The following PPP4R3B variants were observed in gnomAD, a reference collection of about 807,000 sequenced individuals.
The protein encoded by PPP4R3B is protein phosphatase 4 regulatory subunit 3B.
A neutral mutation model predicts 95.4 loss-of-function variants in PPP4R3B; 52 were observed. The observed-to-expected ratio is 0.54, with a 90% CI of 0.44 to 0.69. The LOEUF is 0.69. Ranked by LOEUF, PPP4R3B falls within the 30% of genes least tolerant of loss-of-function variation. PPP4R3B has a pLI of 0.00. For missense variants in PPP4R3B, 1,003 were observed against 1,005.9 expected (o/e 1.00, Z 0.04); for synonymous variants, 407 against 343.9 (o/e 1.18, Z -2.03).
chr2:55,611,391 C>T (rs1408684256), intron 2 of PPP4R3B, among the ~76,000 whole-genome samples: 1 of 152,210 alleles, frequency 6.6e-6, no homozygotes, highest in Non-Finnish European at 1.5e-5. Flanking sequence ...AAATTTCTGT[C>T]ACACCTATCA....
At chr2:55,550,177 A>G (rs1574641316) in intron 16 of PPP4R3B, among the ~76,000 whole-genome samples, 171 bp from the exon 17 acceptor site, 1 of 152,244 alleles carries the variant, frequency 6.6e-6, no homozygotes, top group East Asian at 1.9e-4. Context: ...TTTGAGTAGT[A>G]ATTGGTAGCA....
At chr2:55,579,306 T>A (rs1689119050) in intron 9 of PPP4R3B, among the ~76,000 whole-genome samples, 1 of 152,132 alleles carries the variant, frequency 6.6e-6, no homozygotes. Context: ...ACTATTTGCT[T>A]CTACTCATTC....
At chr2:55,606,538 T>C (rs1015822296) in intron 2 of PPP4R3B, among the ~76,000 whole-genome samples, 2 of 151,610 alleles carry the variant, frequency 1.3e-5, no homozygotes, top group African/African-American at 2.4e-5. Flanking sequence ...AAAAAAATTA[T>C]TGGCCAGGCA....
chr2:55,580,319 A>C (rs11900763), intron 8 of PPP4R3B, among the ~76,000 whole-genome samples: 5 of 152,118 alleles, frequency 3.3e-5, no homozygotes, highest in Non-Finnish European at 5.9e-5. Context: ...CAGAACAGCA[A>C]GCACCATAAT....
chr2:55,573,580 C>G, intron 12 of PPP4R3B, 39 bp downstream of exon 12: 6 of 1,506,762 alleles, frequency 4.0e-6, no homozygotes, highest in South Asian at 2.6e-5. Context: ...AGTTTTATCT[C>G]TATTAAAAAT....
At chr2:55,603,008 G>A (rs1310549778) in intron 3 of PPP4R3B, among the ~76,000 whole-genome samples, 1 of 150,768 alleles carries the variant, frequency 6.6e-6, no homozygotes, top group Non-Finnish European at 1.5e-5. Context: ...AGACTGGAGT[G>A]TAGTGGCATT....
intron 11 of PPP4R3B, among the ~76,000 whole-genome samples, chr2:55,575,167 C>T (rs1688511757): frequency 6.6e-6 from 1 of 151,990 alleles, no homozygotes; most frequent in Non-Finnish European, 1.5e-5. Context: ...GTCTCGATCT[C>T]CTGACCTCAT....
At chr2:55,573,476 G>T in intron 12 of PPP4R3B, 143 bp downstream of exon 12, 4 of 726,692 alleles carry the variant, frequency 5.5e-6, no homozygotes, top group Non-Finnish European at 6.4e-6. Flanking sequence ...TAGTCCTCTT[G>T]CCCTTTAAAT....
chr2:55,565,098 A>G, intron 13 of PPP4R3B, 57 bp from the exon 14 acceptor site: 2 of 1,384,326 alleles, frequency 1.4e-6, no homozygotes, highest in Non-Finnish European at 1.9e-6. Flanking sequence ...TAGAAGAAAA[A>G]CTTTAAAATT....
intron 4 of PPP4R3B, among the ~76,000 whole-genome samples, chr2:55,596,822 A>C (rs904812396): frequency 1.3e-5 from 2 of 151,898 alleles, no homozygotes; most frequent in African/African-American, 4.8e-5. Context: ...AAATTAGTCG[A>C]GTGTGGTGGC....
chr2:55,592,326 T>G (rs1691146694), intron 4 of PPP4R3B, among the ~76,000 whole-genome samples: 1 of 152,204 alleles, frequency 6.6e-6, no homozygotes, highest in Non-Finnish European at 1.5e-5. Context: ...ATGAGGTTTT[T>G]GTCACTCCTA....
In PPP4R3B at chr2:55,578,342, T is replaced by C; in HGVS notation, c.1469A>G (p.Asp490Gly). ...ATATCTGTAATGTTTTAAAAAAAAA[T>C]CTGAAAAAAAATATGGCAAGTTAGT... is the stretch of plus-strand genomic sequence containing the variant. ...TNTSEDKCEK[D>G]FFLKHYRYSW... The change falls in exon 10 of 17, where the codon GAT (aspartate) becomes GGT (glycine). Residue 490 changes from aspartate (D) to glycine (G), a missense_variant and splice_region_variant. Asp to Gly is a moderately conservative substitution (Grantham distance 94). Around this residue, in one of 3 missense-constraint regions of PPP4R3B, gnomAD observed 695 missense variants for 686.2 expected, o/e 1.01. Transcript: ENST00000616407. 1 of 1,387,576 alleles carries C rather than the reference T, an allele frequency of 7.2e-7. No homozygotes were observed. The highest frequency in any genetic ancestry group is 2.8e-5 in the East Asian group (1 of 36,092). 86.0% of individuals were successfully genotyped at this position (1,387,576 alleles called of 1,614,324 possible). A position where few individuals can be genotyped will look rare whatever the true frequency, so the allele number is the denominator to read the frequency against.
chr2:55,593,611 G>C (rs1282161617), intron 4 of PPP4R3B, among the ~76,000 whole-genome samples: 1 of 152,116 alleles, frequency 6.6e-6, no homozygotes, highest in African/African-American at 2.4e-5. Context: ...TAAGTGCTTA[G>C]AGGCCACTGT....
At chr2:55,603,206 G>T (rs1309685435) in intron 3 of PPP4R3B, among the ~76,000 whole-genome samples, 1 of 152,160 alleles carries the variant, frequency 6.6e-6, no homozygotes, top group Non-Finnish European at 1.5e-5. Flanking sequence ...GCCTGCCTCG[G>T]CCTCCCAAAG....
chr2:55,603,380 A>G (rs529880618), intron 3 of PPP4R3B, among the ~76,000 whole-genome samples: 2 of 152,312 alleles, frequency 1.3e-5, no homozygotes, highest in African/African-American at 4.8e-5. Context: ...CCACCATATA[A>G]ATTTATGTTC....
chr2:55,579,625 A>T (rs886945869), intron 9 of PPP4R3B, 54 bp downstream of exon 9: 2 of 1,271,190 alleles, frequency 1.6e-6, no homozygotes, highest in African/African-American at 3.1e-5. Context: ...TTTAATATTT[A>T]TCTCATCCTT....
At chr2:55,564,010 G>A (rs1686964060) in intron 15 of PPP4R3B, among the ~76,000 whole-genome samples, 1 of 152,114 alleles carries the variant, frequency 6.6e-6, no homozygotes. Context: ...TTATTACTGA[G>A]AATTTCAGTA....
intron 4 of PPP4R3B, chr2:55,591,779 T>C: frequency 2.2e-6 from 1 of 450,558 alleles, no homozygotes; most frequent in South Asian, 9.4e-5. Flanking sequence ...TTTTCCCTGA[T>C]TTCCAGCATT....
intron 9 of PPP4R3B, 97 bp from the exon 10 acceptor site, chr2:55,578,439 T>C: frequency 8.9e-7 from 1 of 1,128,206 alleles, no homozygotes. Context: ...AAGCTGGAAG[T>C]GTTTTATTAA....
Sources: allele counts gnomAD v4.1 joint callset (sites outside exome capture counted in the v4.1 genomes callset), GRCh38; gene constraint gnomAD v4.1.1; regional missense constraint gnomAD v4.1.1; transcripts MANE v1.5; gene names NCBI Gene and HGNC (gene_info 2026-07-23, HGNC 2026-07-21).